FCHSD2: variants seen among roughly 807,000 people sequenced by gnomAD.
The protein encoded by FCHSD2 is F-BAR and double SH3 domains protein 2.
In FCHSD2, 38 loss-of-function variants were observed where a neutral mutation model predicts 108.1. The ratio of observed to expected loss-of-function variants is 0.35; its 90% CI spans 0.27 to 0.46. FCHSD2 has a LOEUF of 0.46. FCHSD2 is among the 20% of genes least tolerant of loss of function. The probability of loss-of-function intolerance (pLI) is 1.00; values close to 1 mark genes in which losing one functional copy is unlikely to be tolerated. For synonymous variants in FCHSD2, 279 were observed against 314.7 expected (o/e 0.89, Z 1.20); for missense variants, 751 against 897.8 (o/e 0.84, Z 2.09).
At chr11:73,067,577 A>G (rs1859327176) in intron 3 of FCHSD2, among the ~76,000 whole-genome samples, 1 of 152,198 alleles carries the variant, frequency 6.6e-6, no homozygotes, top group Non-Finnish European at 1.5e-5. Context: ...CCATATCCCC[A>G]ATATCATCAT....
At chr11:73,120,246 T>G (rs1326888283) in intron 2 of FCHSD2, among the ~76,000 whole-genome samples, 1 of 152,252 alleles carries the variant, frequency 6.6e-6, no homozygotes, top group Non-Finnish European at 1.5e-5. Context: ...GTTTACATCC[T>G]TGTATATTTA....
chr11:73,117,430 T>C (rs567135380), intron 2 of FCHSD2, among the ~76,000 whole-genome samples: 49 of 152,344 alleles, frequency 3.2e-4, no homozygotes, highest in African/African-American at 1.2e-3. Flanking sequence ...TTGGGTTTTT[T>C]CCTAATTTAT....
intron 3 of FCHSD2, among the ~76,000 whole-genome samples, chr11:73,078,293 A>C (rs1348481641): frequency 6.6e-6 from 1 of 152,220 alleles, no homozygotes; most frequent in African/African-American, 2.4e-5. Flanking sequence ...TATCTACTAA[A>C]GTAGAACATA....
chr11:72,849,982 G>T, intron 13 of FCHSD2, 93 bp from the exon 14 acceptor site: 22 of 909,998 alleles, frequency 2.4e-5, no homozygotes, highest in South Asian at 6.7e-5. Context: ...GTTTCAAAAT[G>T]TTAATTTGCC....
At chr11:72,880,884 A>AAACAAC (rs944564985) in intron 12 of FCHSD2, among the ~76,000 whole-genome samples, 2 of 151,644 alleles carry the variant, frequency 1.3e-5, no homozygotes. Flanking sequence ...AAAAAAAAGA[A>AAACAAC]AACAACAACA....
intron 8 of FCHSD2, among the ~76,000 whole-genome samples, chr11:72,922,261 G>A (rs1248980082): frequency 6.6e-6 from 1 of 152,128 alleles, no homozygotes; most frequent in African/African-American, 2.4e-5. Context: ...TAGGAGTTAA[G>A]TGAAATAATA....
chr11:72,977,390 CAG>C (rs1425959289), intron 8 of FCHSD2, among the ~76,000 whole-genome samples: 20 of 152,094 alleles, frequency 1.3e-4, no homozygotes, highest in Admixed American at 9.8e-4. Flanking sequence ...CAACAAAGTG[CAG>C]AGACAGCCCA....
chr11:73,137,197 GAAAAAAAA>G (rs973268840), intron 2 of FCHSD2, among the ~76,000 whole-genome samples: 1 of 145,414 alleles, frequency 6.9e-6, no homozygotes, highest in Non-Finnish European at 1.5e-5. Flanking sequence ...TATTGTCTTT[GAAAAAAAA>G]AAGCAAATCA....
chr11:73,043,222 G>C (rs1591507844), intron 3 of FCHSD2, among the ~76,000 whole-genome samples: 4 of 152,130 alleles, frequency 2.6e-5, no homozygotes, highest in African/African-American at 9.7e-5. Context: ...GCTGAGGTAT[G>C]TTCTTTCTAT....
intron 8 of FCHSD2, among the ~76,000 whole-genome samples, chr11:72,949,573 T>A (rs750967702): frequency 2.6e-5 from 4 of 152,250 alleles, no homozygotes; most frequent in Non-Finnish European, 4.4e-5. Flanking sequence ...ACTAATCTAC[T>A]TTCTACATTT....
At chr11:73,120,108 C>T (rs1453279030) in intron 2 of FCHSD2, among the ~76,000 whole-genome samples, 2 of 152,196 alleles carry the variant, frequency 1.3e-5, no homozygotes, top group East Asian at 3.9e-4. Context: ...CCACCAAGAA[C>T]AGCACGGTGG....
chr11:72,851,045 C>A (rs114741122), intron 13 of FCHSD2, among the ~76,000 whole-genome samples: 2,418 of 136,276 alleles, frequency 0.018, 64 homozygotes, highest in African/African-American at 0.064. Context: ...ACTAAGTGAG[C>A]CAAGAAAGAT....
At chr11:72,919,939 GA>G (rs1383903097) in intron 9 of FCHSD2, among the ~76,000 whole-genome samples, 5 of 151,778 alleles carry the variant, frequency 3.3e-5, no homozygotes, top group South Asian at 2.1e-4. Context: ...TTAATAAGGA[GA>G]AAAAAATAGA....
At chr11:72,929,026 T>C (rs7126070) in intron 8 of FCHSD2, among the ~76,000 whole-genome samples, 32,772 of 152,064 alleles carry the variant, frequency 0.22, 3,858 homozygotes, top group East Asian at 0.4. Context: ...TCCAGCTTCA[T>C]CCATGTCCCT....
Position 72,838,675 on chromosome 11 carries a change from C to T in FCHSD2, c.*116G>A, listed in dbSNP as rs1860807241. ...AGGCCACCCAGTCACACATAATCCT[C>T]CTTGTTTTTTGCTCTGTTCAAGAGT... On this transcript the variant is annotated 3_prime_UTR_variant, in exon 20 of 20. Transcript: ENST00000409418. 3 of 810,068 alleles carry T rather than the reference C, an allele frequency of 3.7e-6. No individual in the cohort carries two copies. Among genetic ancestry groups the T allele is most frequent in the Non-Finnish European group, 6.1e-6 (3 of 488,444 alleles). 50.2% of individuals were successfully genotyped at this position (810,068 alleles called of 1,614,324 possible).
chr11:72,914,475 A>G (rs1010501164), intron 9 of FCHSD2, among the ~76,000 whole-genome samples: 2 of 152,234 alleles, frequency 1.3e-5, no homozygotes, highest in Non-Finnish European at 2.9e-5. Context: ...GCATCACGCT[A>G]CCCAACTTCA....
rs147433238 is a variant in FCHSD2, at chr11:72,896,178, CAG to C, written c.925-6235_925-6234del. ...ATATCAGAAATAGCATCTAGAATAA[CAG>C]GGAAAGATCATACATCAGAAATTTA... On this transcript the variant is annotated intron_variant, in intron 10 of 19. Transcript: ENST00000409418. Among the ~76,000 whole-genome samples the C allele has an allele frequency of 9.1e-3, 1,380 of 152,252 alleles. 11 individuals are homozygous for C. Among genetic ancestry groups the C allele is most frequent in the Non-Finnish European group, 0.013 (860 of 68,020 alleles).
rs796692118 is a variant in FCHSD2 at position 73,067,816 on chromosome 11, G to A, written c.165+15879C>T. On this transcript the variant is annotated intron_variant, in intron 3 of 19. Coordinates refer to ENST00000409418, the MANE Select transcript of FCHSD2 (RefSeq NM_014824.3). Reference sequence around the variant, plus strand: ...AAATCATTGAGAACAGTCTTACAAGGACCTTTATGAGGTACCTGCATTAGT... The same window carrying A: ...AAATCATTGAGAACAGTCTTACAAGAACCTTTATGAGGTACCTGCATTAGT... Among the ~76,000 whole-genome samples, 7 of 152,104 alleles carry A rather than the reference G, an allele frequency of 4.6e-5. No individual in the cohort carries two copies. In the East Asian group the frequency reaches 1.2e-3, roughly 25 times the overall value.
chr11:73,008,094 T>C (rs1857781302), intron 4 of FCHSD2, among the ~76,000 whole-genome samples: 1 of 152,136 alleles, frequency 6.6e-6, no homozygotes, highest in Non-Finnish European at 1.5e-5. Flanking sequence ...CCTGTAGCAC[T>C]TTGAGAGGCT....
Sources: allele counts gnomAD v4.1 joint callset (sites outside exome capture counted in the v4.1 genomes callset), GRCh38; gene constraint gnomAD v4.1.1; transcripts MANE v1.5; gene names NCBI Gene and HGNC (gene_info 2026-07-23, HGNC 2026-07-21).